PDGFD: variants seen among roughly 807,000 people sequenced by gnomAD.
PDGFD encodes platelet derived growth factor D, also known as platelet-derived growth factor D.
Under a neutral mutation model 44.7 loss-of-function variants are expected in PDGFD, and 30 were observed. The ratio of observed to expected loss-of-function variants is 0.67; its 90% CI spans 0.50 to 0.91. The LOEUF is 0.91. Among genes scored for constraint, PDGFD ranks in the 40% least tolerant of loss-of-function variants. The pLI is 0.00. For missense variants in PDGFD, 445 were observed against 457.8 expected (o/e 0.97, Z 0.25); for synonymous variants, 173 against 168.4 (o/e 1.03, Z -0.21).
chr11:104,044,873 C>T (rs1860415243), intron 1 of PDGFD, among the ~76,000 whole-genome samples: 1 of 152,108 alleles, frequency 6.6e-6, no homozygotes. Context: ...CCCATCTCTA[C>T]TAAAAATACA....
chr11:104,002,261 C>T (rs563094816), intron 1 of PDGFD, among the ~76,000 whole-genome samples: 1 of 152,276 alleles, frequency 6.6e-6, no homozygotes, highest in Non-Finnish European at 1.5e-5. Context: ...TGGTTTGGCT[C>T]TGTGTCCCCA....
In PDGFD at chr11:104,129,306, G is replaced by A. The variant is rs745622966; in HGVS notation, c.124+34498C>T. On this transcript the variant is annotated intron_variant, in intron 1 of 6. Transcript: ENST00000393158. ...GTGTGGCAGCTATTTAGGCACCCTG[G>A]AGAGTGGTTTAATGATGAGGAAGCA... is the stretch of plus-strand genomic sequence containing the variant. Among the ~76,000 whole-genome samples the A allele has an allele frequency of 1.3e-4, 19 of 151,962 alleles. No individual in the cohort carries two copies. In the South Asian group the frequency reaches 1.7e-3, roughly 13 times the overall value.
At chr11:104,017,269 G>A (rs1007359457) in intron 1 of PDGFD, among the ~76,000 whole-genome samples, 27 of 152,072 alleles carry the variant, frequency 1.8e-4, no homozygotes, top group African/African-American at 6.3e-4. Context: ...CCTGGTGTGC[G>A]GTATTTTATT....
intron 3 of PDGFD, among the ~76,000 whole-genome samples, chr11:103,971,246 T>TA (rs1197356826): frequency 6.6e-6 from 1 of 152,174 alleles, no homozygotes; most frequent in East Asian, 1.9e-4. Context: ...TTGCTATAGG[T>TA]AATGGCTCTA....
chr11:104,149,305 A>G (rs1414027987), intron 1 of PDGFD, among the ~76,000 whole-genome samples: 4 of 152,224 alleles, frequency 2.6e-5, no homozygotes, highest in African/African-American at 9.6e-5. Context: ...ATAAACAAGA[A>G]TTAAATTCCT....
chr11:103,922,956 T>C lies in PDGFD; in HGVS notation c.987+3956A>G, dbSNP rs557414076. Among the ~76,000 whole-genome samples the C allele has an allele frequency of 2.0e-5, 3 of 152,236 alleles. No individual in the cohort carries two copies. In the East Asian group the frequency reaches 5.8e-4, roughly 29 times the overall value. Reference sequence around the variant, plus strand: ...AACAGGCCTTGCTAATTTTCCCCAGTTTATTACCATTAGATCATACTCTGC... The same window carrying C: ...AACAGGCCTTGCTAATTTTCCCCAGCTTATTACCATTAGATCATACTCTGC... On this transcript the variant is annotated intron_variant, in intron 6 of 6. Coordinates refer to ENST00000393158, the MANE Select transcript of PDGFD (RefSeq NM_025208.5).
At chr11:104,109,271 G>C (rs1448536049) in intron 1 of PDGFD, among the ~76,000 whole-genome samples, 2 of 151,922 alleles carry the variant, frequency 1.3e-5, no homozygotes, top group Non-Finnish European at 2.9e-5. Context: ...GAAAAATCAG[G>C]CTTGAGCCCT....
At chr11:103,977,693 G>A (rs1859204382) in intron 3 of PDGFD, among the ~76,000 whole-genome samples, 2 of 152,042 alleles carry the variant, frequency 1.3e-5, no homozygotes, top group Middle Eastern at 3.4e-3. Context: ...TCTTTGTTTT[G>A]ATTATATTTT....
chr11:104,116,951 G>A (rs541943160), intron 1 of PDGFD, among the ~76,000 whole-genome samples: 1 of 152,058 alleles, frequency 6.6e-6, no homozygotes, highest in East Asian at 1.9e-4. Context: ...GGAGCTGTAA[G>A]TTCAATTAAA....
intron 3 of PDGFD, among the ~76,000 whole-genome samples, chr11:103,974,635 C>G (rs260825): frequency 1.3e-5 from 2 of 151,822 alleles, no homozygotes; most frequent in Non-Finnish European, 2.9e-5. Context: ...CCTTGCCCCC[C>G]ACCTCCTCAC....
intron 1 of PDGFD, among the ~76,000 whole-genome samples, chr11:104,122,423 C>A (rs1565341914): frequency 6.6e-6 from 1 of 152,024 alleles, no homozygotes; most frequent in Non-Finnish European, 1.5e-5. Flanking sequence ...AAATGGCACA[C>A]CTGGTCCAAC....
At chr11:104,049,099 A>G (rs908022621) in intron 1 of PDGFD, among the ~76,000 whole-genome samples, 23 of 152,294 alleles carry the variant, frequency 1.5e-4, no homozygotes, top group South Asian at 2.1e-4. Flanking sequence ...TCACTCTATC[A>G]TATTACCTCT....
intron 1 of PDGFD, among the ~76,000 whole-genome samples, chr11:104,144,386 A>G (rs967228966): frequency 6.6e-6 from 1 of 151,718 alleles, no homozygotes; most frequent in Non-Finnish European, 1.5e-5. Context: ...CACGCCTGTA[A>G]TCCCAGCTAC....
At chr11:104,102,688 T>C (rs942904846) in intron 1 of PDGFD, among the ~76,000 whole-genome samples, 4 of 152,132 alleles carry the variant, frequency 2.6e-5, no homozygotes, top group African/African-American at 9.7e-5. Context: ...CAAATGTCCA[T>C]CAGTGATAGA....
intron 1 of PDGFD, among the ~76,000 whole-genome samples, chr11:104,146,992 C>A (rs1271129633): frequency 7.0e-5 from 10 of 142,870 alleles, no homozygotes; most frequent in African/African-American, 2.6e-4. Flanking sequence ...CACCAGGCAC[C>A]GGGGCATACT....
chr11:103,909,833 C>A lies in PDGFD; in HGVS notation c.988-14G>T, dbSNP rs778506297. 2.5e-6 allele frequency: 4 copies of A among 1,614,038 alleles called. No homozygotes were observed. Among genetic ancestry groups the A allele is most frequent in the East Asian group, 2.2e-5 (1 of 44,884 alleles). Reference sequence around the variant, plus strand: ...AAACTGTAATACCTAGGACAAGAAGCACATCTCCTGTTAGAAAGCCTTTGG... The same window carrying A: ...AAACTGTAATACCTAGGACAAGAAGAACATCTCCTGTTAGAAAGCCTTTGG... On this transcript the variant is annotated splice_polypyrimidine_tract_variant and intron_variant, in intron 6 of 6. Transcript: ENST00000393158.
In PDGFD at chr11:104,095,027, A is replaced by T. The variant is rs1163921250; in HGVS notation, c.124+68777T>A. 2.0e-5 allele frequency among the ~76,000 whole-genome samples: 3 copies of T among 151,866 alleles called. No individual in the cohort carries two copies. The East Asian group carries it at 5.8e-4, about 29-fold the overall frequency. On this transcript the variant is annotated intron_variant, in intron 1 of 6. Coordinates refer to ENST00000393158, the MANE Select transcript of PDGFD (RefSeq NM_025208.5). ...AGGCATCAAGATCTTTTCTGCCTAA[A>T]CTTTTTTTTCCTGGTAGGTGCCTGT...
intron 2 of PDGFD, among the ~76,000 whole-genome samples, chr11:103,999,065 A>C (rs898854048): frequency 1.3e-5 from 2 of 152,128 alleles, no homozygotes; most frequent in Non-Finnish European, 2.9e-5. Context: ...GCTCTTCCTT[A>C]ATGTATTCAT....
At chr11:103,990,850 C>T (rs1313590557) in intron 3 of PDGFD, among the ~76,000 whole-genome samples, 1 of 151,998 alleles carries the variant, frequency 6.6e-6, no homozygotes, top group African/African-American at 2.4e-5. Flanking sequence ...TTTAAGAATT[C>T]AGCTTAGGGC....
Sources: allele counts gnomAD v4.1 joint callset (sites outside exome capture counted in the v4.1 genomes callset), GRCh38; gene constraint gnomAD v4.1.1; transcripts MANE v1.5; gene names NCBI Gene and HGNC (gene_info 2026-07-23, HGNC 2026-07-21).